The following CCDC171 variants were observed in gnomAD, a reference collection of about 807,000 sequenced individuals.
The protein encoded by CCDC171 is coiled-coil domain containing 171, also known as coiled-coil domain-containing protein 171.
CCDC171 carries 177 observed loss-of-function variants against 168.2 expected under a neutral mutation model. The observed-to-expected ratio is 1.05, with a 90% confidence interval of 0.93 to 1.19. The LOEUF is 1.19. Among genes scored for constraint, CCDC171 ranks in the 50% most tolerant of loss-of-function variants. The pLI is 0.00. For synonymous variants in CCDC171, 687 were observed against 540.8 expected, an observed-to-expected ratio of 1.27 and a Z score of -3.75; for missense variants, 1,991 against 1,539.0, an observed-to-expected ratio of 1.29 and a Z score of -4.91.
intron 6 of CCDC171, among the ~76,000 whole-genome samples, chr9:15,611,392 T>A (rs745555204): frequency 3.3e-5 from 5 of 152,344 alleles, no homozygotes; most frequent in Admixed American, 1.3e-4. Flanking sequence ...TATTTAAGAA[T>A]GAGGCACTAA....
At chr9:15,867,175 T>G (rs1340202888) in intron 23 of CCDC171, among the ~76,000 whole-genome samples, 1 of 152,038 alleles carries the variant, frequency 6.6e-6, no homozygotes, top group Non-Finnish European at 1.5e-5. Context: ...CTTCTATTCT[T>G]AGAGTGGATT....
At chr9:15,915,533 C>A (rs1824381418) in intron 24 of CCDC171, among the ~76,000 whole-genome samples, 1 of 152,012 alleles carries the variant, frequency 6.6e-6, no homozygotes, top group Non-Finnish European at 1.5e-5. Flanking sequence ...TTAGGATTTT[C>A]TGGATAGAAG....
the CCDC171 span, among the ~76,000 whole-genome samples, chr9:16,108,258 C>T: frequency 6.6e-6 from 1 of 152,186 alleles, no homozygotes; most frequent in East Asian, 1.9e-4. Flanking sequence ...CTTCCAGGCT[C>T]AACATGTATT....
intron 24 of CCDC171, among the ~76,000 whole-genome samples, chr9:15,918,998 G>T (rs940274327): frequency 1.3e-5 from 2 of 151,642 alleles, no homozygotes; most frequent in Admixed American, 1.3e-4. Flanking sequence ...TATAGGCAGA[G>T]TATCTTGCCT....
intron 1 of CCDC171, among the ~76,000 whole-genome samples, chr9:16,052,803 C>T (rs560060329): frequency 1.3e-5 from 2 of 152,096 alleles, no homozygotes; most frequent in Admixed American, 6.5e-5. Context: ...CCACCGCCCC[C>T]CATTACACTT....
chr9:15,968,537 C>CTTTTT (rs35265243), intron 25 of CCDC171, among the ~76,000 whole-genome samples: 1 of 88,830 alleles, frequency 1.1e-5, no homozygotes, highest in Non-Finnish European at 2.2e-5. Context: ...TTGTTGCTGG[C>CTTTTT]TTTTTTTTTT....
In CCDC171 at chr9:15,627,355, G is replaced by C. The variant is rs541379628; in HGVS notation, c.822+3942G>C. ...TGTTCTTAATTTTTTCTTGCCTTCT[G>C]CTAGCTTTTGTATGTGTTTGCTCTT... On this transcript the variant is annotated intron_variant, in intron 7 of 25. Transcript: ENST00000380701. Among the ~76,000 whole-genome samples the C allele has an allele frequency of 4.0e-5, 6 of 151,748 alleles. No homozygotes were observed. The South Asian group carries it at 1.3e-3, about 32-fold the overall frequency.
At chr9:16,049,887 GT>G (rs909748947) in intron 1 of CCDC171, among the ~76,000 whole-genome samples, 4 of 151,810 alleles carry the variant, frequency 2.6e-5, no homozygotes, top group Non-Finnish European at 4.4e-5. Flanking sequence ...TCTTACTGTT[GT>G]TTTTTTTGTT....
chr9:15,994,388 A>G (rs1345607775), intron 3 of CCDC171, among the ~76,000 whole-genome samples: 3 of 152,190 alleles, frequency 2.0e-5, no homozygotes, highest in Non-Finnish European at 4.4e-5. Flanking sequence ...TTGAACAATG[A>G]GAACACTTGG....
chr9:15,617,379 GTTTT>G (rs767843005), intron 6 of CCDC171, among the ~76,000 whole-genome samples: 1 of 138,848 alleles, frequency 7.2e-6, no homozygotes. Flanking sequence ...TTGTGGGAGG[GTTTT>G]TTTTTTTTTT....
intron 21 of CCDC171, among the ~76,000 whole-genome samples, chr9:15,804,211 A>T (rs115776356): frequency 6.6e-6 from 1 of 152,032 alleles, no homozygotes; most frequent in Admixed American, 6.6e-5. Flanking sequence ...TTCTATTTCC[A>T]TACTTATTTA....
At chr9:15,810,990 C>G (rs533852086) in intron 21 of CCDC171, among the ~76,000 whole-genome samples, 1 of 152,364 alleles carries the variant, frequency 6.6e-6, no homozygotes, top group East Asian at 1.9e-4. Context: ...TCACTAGTTT[C>G]ATGTGGCTAG....
intron 6 of CCDC171, among the ~76,000 whole-genome samples, chr9:15,617,237 T>C (rs536479335): frequency 6.6e-6 from 1 of 152,178 alleles, no homozygotes; most frequent in Non-Finnish European, 1.5e-5. Context: ...GCTGGAGAGG[T>C]GTTGCGATCA....
At chr9:15,717,581 T>G (rs2053172961) in intron 11 of CCDC171, among the ~76,000 whole-genome samples, 2 of 152,200 alleles carry the variant, frequency 1.3e-5, no homozygotes, top group South Asian at 4.1e-4. Flanking sequence ...AGACCCCTTC[T>G]TTCTGCTTAA....
intron 25 of CCDC171, among the ~76,000 whole-genome samples, chr9:15,944,158 A>G (rs146848730): frequency 6.6e-6 from 1 of 152,150 alleles, no homozygotes; most frequent in Non-Finnish European, 1.5e-5. Context: ...TATTTGTAAG[A>G]TTCAGAAAAG....
upstream of CCDC171, among the ~76,000 whole-genome samples, chr9:16,038,705 A>G (rs1833516843): frequency 6.6e-6 from 1 of 152,108 alleles, no homozygotes; most frequent in South Asian, 2.1e-4. Flanking sequence ...GATGGCAGAA[A>G]TAAACCCTAA....
chr9:15,626,228 G>C (rs2045090504), intron 7 of CCDC171, among the ~76,000 whole-genome samples: 1 of 152,142 alleles, frequency 6.6e-6, no homozygotes, highest in East Asian at 1.9e-4. Context: ...GAGACGATGG[G>C]GTTTTCTAAA....
intron 9 of CCDC171, among the ~76,000 whole-genome samples, chr9:15,673,620 T>G (rs1020256755): frequency 6.6e-6 from 1 of 152,188 alleles, no homozygotes; most frequent in Non-Finnish European, 1.5e-5. Context: ...TGATTTTTGT[T>G]GTTGGTTCTG....
chr9:15,576,870 G>A (rs577653361), intron 3 of CCDC171, among the ~76,000 whole-genome samples: 93 of 152,160 alleles, frequency 6.1e-4, no homozygotes, highest in Non-Finnish European at 9.4e-4. Context: ...TGAACAGAGC[G>A]GTGTAGGTGG....
Sources: gnomAD v4.1 joint callset for allele counts (sites outside exome capture counted in the v4.1 genomes callset) on GRCh38, gnomAD v4.1.1 for gene constraint, MANE v1.5 for transcripts, NCBI Gene and HGNC (gene_info 2026-07-23, HGNC 2026-07-21) for gene names.